The following ZNF718 variants were observed in gnomAD, a reference collection of about 807,000 sequenced individuals.
ZNF718 encodes the protein zinc finger protein 718.
Under a neutral mutation model 2.6 loss-of-function variants are expected in ZNF718, and 3 were observed. That is an observed-to-expected ratio of 1.16 (90% confidence interval 0.53 to 3.01). The LOEUF is 3.01. Among genes scored for constraint, ZNF718 ranks in the 30% most tolerant of loss-of-function variants. ZNF718 has a pLI of 0.03. For missense variants in ZNF718, 468 were observed against 230.0 expected (o/e 2.03, Z -6.69); for synonymous variants, 135 against 77.9 (o/e 1.73, Z -3.86).
chr4:188,348 C>A (rs183541968), intron 3 of ZNF718, among the ~76,000 whole-genome samples: 1 of 152,354 alleles, frequency 6.6e-6, no homozygotes, highest in East Asian at 1.9e-4. Flanking sequence ...TGTTTGGATT[C>A]TCCAAAGCCA....
Position 163,069 on chromosome 4 carries a change from G to C in ZNF718, c.*947G>C, listed in dbSNP as rs1716968992. 1 of 151,914 alleles carries C rather than the reference G, an allele frequency of 6.6e-6. No homozygotes were observed. Among genetic ancestry groups the C allele is most frequent in the Non-Finnish European group, 1.5e-5 (1 of 67,970 alleles). 9.4% of individuals were successfully genotyped at this position (151,914 alleles called of 1,614,324 possible). ...GAAAAAATTATAGATTTTTTGAAAA[G>C]CAAATTCAACTCTAAAATTACTTCA... On this transcript the variant is annotated 3_prime_UTR_variant, in exon 4 of 4. Coordinates refer to ENST00000510175, the MANE Select transcript of ZNF718 (RefSeq NM_001039127.6).
At chr4:170,411 G>A (rs1238960338) in intron 3 of ZNF718, among the ~76,000 whole-genome samples, 16 of 152,132 alleles carry the variant, frequency 1.1e-4, no homozygotes, top group African/African-American at 3.9e-4. Context: ...CTAGATTGGG[G>A]AAGTTCTCCT....
intron 3 of ZNF718, among the ~76,000 whole-genome samples, chr4:157,295 G>A (rs1398649259): frequency 2.0e-5 from 3 of 151,628 alleles, no homozygotes; most frequent in Non-Finnish European, 2.9e-5. Flanking sequence ...TATGTTTTTA[G>A]TAGAGATGGG....
In ZNF718 at chr4:131,510, G is replaced by T. The variant is rs1358735624; in HGVS notation, c.226+5G>T. ...AAACAGCAGCCAGACCCCCAGGTAG[G>T]TGAGAGTGAATGGAGGAGAGGACAC... On this transcript the variant is annotated splice_donor_5th_base_variant and intron_variant, in intron 3 of 3. Coordinates refer to ENST00000510175, the MANE Select transcript of ZNF718 (RefSeq NM_001039127.6). 6.8e-6 allele frequency: 3 copies of T among 442,948 alleles called. 1 individual carries two copies. Among genetic ancestry groups the T allele is most frequent in the Admixed American group, 4.8e-5 (1 of 20,878 alleles). The allele number at this position is 442,948 out of a possible 1,614,324, so 27.4% of individuals were successfully genotyped here. A position where few individuals can be genotyped will look rare whatever the true frequency, so the allele number is the denominator to read the frequency against.
chr4:179,591 G>A (rs1056447440), intron 3 of ZNF718, among the ~76,000 whole-genome samples: 1 of 152,218 alleles, frequency 6.6e-6, no homozygotes, highest in African/African-American at 2.4e-5. Flanking sequence ...AAGAGAAAGA[G>A]TACAAAGTGT....
intron 3 of ZNF718, among the ~76,000 whole-genome samples, chr4:157,117 T>C (rs1321995419): frequency 3.5e-5 from 5 of 143,584 alleles, no homozygotes; most frequent in East Asian, 2.0e-4. Context: ...TTTTTTTTTT[T>C]TTTTTTTTTT....
At chr4:143,455 G>C (rs1337406104) in intron 3 of ZNF718, among the ~76,000 whole-genome samples, 1 of 152,182 alleles carries the variant, frequency 6.6e-6, no homozygotes, top group African/African-American at 2.4e-5. Context: ...CAAAGTGCTA[G>C]GATTACAGGC....
intron 3 of ZNF718, among the ~76,000 whole-genome samples, chr4:151,566 C>T (rs936689542): frequency 2.0e-5 from 3 of 151,718 alleles, no homozygotes; most frequent in Admixed American, 6.6e-5. Context: ...CTACAACCTC[C>T]GCCTCCCAGG....
At position 161,440 on chromosome 4, in the gene ZNF718, AG is replaced by A; in HGVS notation, c.756del (p.Lys253AsnfsTer186). On this transcript the variant is annotated frameshift_variant, in exon 4 of 4. Coordinates refer to ENST00000510175, the MANE Select transcript of ZNF718 (RefSeq NM_001039127.6). LOFTEE classifies it low-confidence loss of function (END_TRUNC). ...AAACATAAGAGAATTCATACTGGAG[AG>A]AAACCCTACATATGTGAAAAATGTG... is the stretch of plus-strand genomic sequence containing the variant. The part of the protein sequence containing the change: ...LTKHKRIHTG[E>X]KPYICEKCGK... 1.3e-6 allele frequency: 1 copy of A among 780,508 alleles called. No homozygotes were observed. Among genetic ancestry groups the A allele is most frequent in the Non-Finnish European group, 2.4e-6 (1 of 417,730 alleles). The allele number at this position is 780,508 out of a possible 1,614,324, so 48.3% of individuals were successfully genotyped here.
chr4:138,911 T>C lies in ZNF718; in HGVS notation c.226+7406T>C, dbSNP rs376291655. ...AAATAATGTTGAGCACCCTGTCATA[T>C]GGCTTTTTGTTATTTGTAGGCTCTC... On this transcript the variant is annotated intron_variant, in intron 3 of 3. Transcript: ENST00000510175. Among the ~76,000 whole-genome samples the C allele has an allele frequency of 4.5e-4, 68 of 152,358 alleles. 3 individuals are homozygous for C. The South Asian group carries it at 0.013, about 30-fold the overall frequency.
intron 3 of ZNF718, among the ~76,000 whole-genome samples, chr4:179,912 A>G (rs782390287): frequency 1.3e-5 from 2 of 152,196 alleles, no homozygotes; most frequent in East Asian, 3.8e-4. Context: ...AAAACATCAT[A>G]TATGTTTTAT....
chr4:142,421 T>A (rs1297208516), intron 3 of ZNF718, among the ~76,000 whole-genome samples: 2 of 152,206 alleles, frequency 1.3e-5, no homozygotes, highest in African/African-American at 4.8e-5. Context: ...TCAGTGTAAG[T>A]AAGAAACTTT....
At chr4:138,325 T>C (rs923972022) in intron 3 of ZNF718, among the ~76,000 whole-genome samples, 2 of 152,236 alleles carry the variant, frequency 1.3e-5, no homozygotes, top group African/African-American at 4.8e-5. Flanking sequence ...CCTTCTGCTC[T>C]CTGTCTCTAT....
At chr4:167,222 G>A (rs1717109788), downstream of ZNF718, among the ~76,000 whole-genome samples, 1 of 152,012 alleles carries the variant, frequency 6.6e-6, no homozygotes. Flanking sequence ...CTCTGTTTTG[G>A]TACCAGTACC....
At chr4:140,374 T>G (rs1553810092) in intron 3 of ZNF718, among the ~76,000 whole-genome samples, 1 of 152,202 alleles carries the variant, frequency 6.6e-6, no homozygotes, top group African/African-American at 2.4e-5. Context: ...CCTTGGAATT[T>G]TCTCTCATAG....
rs565427143 is a variant in ZNF718 at position 156,373 on chromosome 4, C to T, written c.227-4539C>T. ...TGTCATTGAAATACTTCTAATTTTA[C>T]CCTCTATTTATTTGTGAATCTATAT... On this transcript the variant is annotated intron_variant, in intron 3 of 3. Transcript: ENST00000510175. Among the ~76,000 whole-genome samples the T allele has an allele frequency of 4.6e-5, 7 of 152,126 alleles. No individual in the cohort carries two copies. The East Asian group carries it at 5.8e-4, about 13-fold the overall frequency.
chr4:170,708 T>C (rs1443598393), intron 3 of ZNF718, among the ~76,000 whole-genome samples: 1 of 152,198 alleles, frequency 6.6e-6, no homozygotes, highest in Non-Finnish European at 1.5e-5. Context: ...TCAGGTCCCT[T>C]AAGGACTTCT....
At chr4:142,188 G>A in intron 3 of ZNF718, 1 of 361,240 alleles carries the variant, frequency 2.8e-6, no homozygotes. Context: ...CCAAGAAGAT[G>A]GCATCCTTGA....
intron 3 of ZNF718, among the ~76,000 whole-genome samples, chr4:177,579 C>T (rs1263017965): frequency 6.6e-6 from 1 of 152,078 alleles, no homozygotes; most frequent in African/African-American, 2.4e-5. Flanking sequence ...AATCTACTAA[C>T]CAGATTTGTT....
Sources: gnomAD v4.1 joint callset for allele counts (sites outside exome capture counted in the v4.1 genomes callset) on GRCh38, gnomAD v4.1.1 for gene constraint, MANE v1.5 for transcripts, NCBI Gene and HGNC (gene_info 2026-07-23, HGNC 2026-07-21) for gene names.